The following ACTR3C variants were observed in gnomAD, a reference collection of about 807,000 sequenced individuals.
ACTR3C encodes actin-related protein 3C.
In ACTR3C, 18 loss-of-function variants were observed where a neutral mutation model predicts 26.3. That is an observed-to-expected ratio of 0.68 (90% confidence interval 0.47 to 1.01). The LOEUF (loss-of-function observed/expected upper bound fraction) is 1.01, where lower values mean the gene tolerates loss of function less well. Among genes scored for constraint, ACTR3C ranks in the 50% least tolerant of loss-of-function variants. ACTR3C has a pLI of 0.00. For synonymous variants in ACTR3C, 55 were observed against 94.5 expected (o/e 0.58, Z 2.42); for missense variants, 184 against 250.7 (o/e 0.73, Z 1.80).
the ACTR3C span, among the ~76,000 whole-genome samples, chr7:150,019,704 G>A: frequency 6.6e-6 from 1 of 151,698 alleles, no homozygotes; most frequent in Non-Finnish European, 1.5e-5. Flanking sequence ...GAAATGAGGA[G>A]TTTTTCAGTT....
the ACTR3C span, among the ~76,000 whole-genome samples, chr7:150,137,070 G>T: frequency 1.3e-5 from 2 of 152,192 alleles, no homozygotes; most frequent in African/African-American, 4.8e-5. Context: ...CTGACAGGAG[G>T]TGGGGCTTGG....
At chr7:150,109,049 T>G in the ACTR3C span, among the ~76,000 whole-genome samples, 338 of 152,148 alleles carry the variant, frequency 2.2e-3, 8 homozygotes, top group Non-Finnish European at 4.0e-3. Context: ...AATTAACACC[T>G]GCAGGATTGG....
the ACTR3C span, among the ~76,000 whole-genome samples, chr7:150,198,057 G>A: frequency 3.3e-5 from 5 of 151,424 alleles, no homozygotes; most frequent in African/African-American, 1.2e-4. Flanking sequence ...TGTTGGCCGG[G>A]CCGGTCTCCA....
the ACTR3C span, among the ~76,000 whole-genome samples, chr7:150,037,844 G>A: frequency 1.5e-4 from 14 of 93,670 alleles, no homozygotes; most frequent in East Asian, 1.2e-3. Flanking sequence ...CCTCGCGGAG[G>A]GTGCCTCCGC....
At chr7:150,295,151 C>A in intron 2 of ACTR3C, 101 bp downstream of exon 2, 1 of 1,380,690 alleles carries the variant, frequency 7.2e-7, no homozygotes, top group South Asian at 1.3e-5. Flanking sequence ...AAAGGAAGGG[C>A]ACACAGCGCA....
the ACTR3C span, among the ~76,000 whole-genome samples, chr7:150,219,375 G>A: frequency 2.7e-5 from 4 of 147,816 alleles, no homozygotes; most frequent in Non-Finnish European, 5.9e-5. Context: ...CACAGTGCTC[G>A]CCTTTTTTCG....
chr7:150,233,127 T>C, the ACTR3C span, among the ~76,000 whole-genome samples: 1 of 152,104 alleles, frequency 6.6e-6, no homozygotes, highest in Admixed American at 6.5e-5. Context: ...GAACTTCTTT[T>C]AATATTTTCT....
the ACTR3C span, among the ~76,000 whole-genome samples, chr7:150,115,111 T>G: frequency 6.6e-6 from 1 of 152,366 alleles, no homozygotes; most frequent in South Asian, 2.1e-4. Context: ...TTTTTCTCTC[T>G]GTTATTCTGC....
the ACTR3C span, among the ~76,000 whole-genome samples, chr7:150,225,702 G>T: frequency 6.6e-6 from 1 of 152,056 alleles, no homozygotes; most frequent in African/African-American, 2.4e-5. Context: ...TAATAAAGTT[G>T]GTTTTGTCAC....
the ACTR3C span, among the ~76,000 whole-genome samples, chr7:150,072,994 G>A: frequency 2.9e-3 from 434 of 152,212 alleles, 5 homozygotes; most frequent in African/African-American, 0.01. Flanking sequence ...AAACCACAGC[G>A]GAGGAAAAGA....
the ACTR3C span, among the ~76,000 whole-genome samples, chr7:150,011,953 G>A: frequency 6.6e-6 from 1 of 151,614 alleles, no homozygotes; most frequent in African/African-American, 2.4e-5. Context: ...GACAGTGAAC[G>A]GTAAAGGCCA....
At chr7:150,280,666 A>G (rs1835241255) in intron 6 of ACTR3C, among the ~76,000 whole-genome samples, 1 of 152,160 alleles carries the variant, frequency 6.6e-6, no homozygotes, top group African/African-American at 2.4e-5. Flanking sequence ...CACTGCACAC[A>G]TTGAAAAAGG....
At chr7:150,035,848 C>G in the ACTR3C span, among the ~76,000 whole-genome samples, 3 of 131,076 alleles carry the variant, frequency 2.3e-5, no homozygotes, top group African/African-American at 2.8e-5. Flanking sequence ...GCCTCTCCCC[C>G]CCTGCGATGG....
chr7:150,194,726 T>G, the ACTR3C span, among the ~76,000 whole-genome samples: 15 of 152,288 alleles, frequency 9.8e-5, no homozygotes, highest in East Asian at 2.9e-3. Context: ...TGCCCATGTT[T>G]ACACATTTTA....
the ACTR3C span, among the ~76,000 whole-genome samples, chr7:150,070,950 A>C: frequency 7.0e-6 from 1 of 142,014 alleles, no homozygotes; most frequent in East Asian, 2.1e-4. Flanking sequence ...GCCCGCCACC[A>C]TGCCCAACTA....
the ACTR3C span, chr7:150,004,682 G>T: frequency 1.3e-5 from 2 of 152,210 alleles, no homozygotes. Context: ...AGGACACACT[G>T]ATATCACGTG....
chr7:149,923,975 C>T, the ACTR3C span, among the ~76,000 whole-genome samples: 15 of 150,670 alleles, frequency 1.0e-4, no homozygotes, highest in African/African-American at 2.4e-4. Flanking sequence ...CCAGCCTGTA[C>T]GACAGAGGGA....
At chr7:150,085,983 C>CTT in the ACTR3C span, among the ~76,000 whole-genome samples, 17 of 144,264 alleles carry the variant, frequency 1.2e-4, no homozygotes, top group African/African-American at 4.4e-4. Context: ...TTTCTTTCTT[C>CTT]TTTTTTTTTT....
intron 1 of ACTR3C, among the ~76,000 whole-genome samples, chr7:150,305,304 C>T (rs1046425625): frequency 6.6e-6 from 1 of 152,144 alleles, no homozygotes; most frequent in African/African-American, 2.4e-5. Flanking sequence ...AATGACAGAA[C>T]TCCCTTCCAC....
Sources: allele counts gnomAD v4.1 joint callset (sites outside exome capture counted in the v4.1 genomes callset), GRCh38; gene constraint gnomAD v4.1.1; transcripts MANE v1.5; gene names NCBI Gene and HGNC (gene_info 2026-07-23, HGNC 2026-07-21).